The following CNTNAP2 variants were observed in gnomAD, a reference collection of about 807,000 sequenced individuals.
CNTNAP2 encodes the protein contactin-associated protein-like 2.
In CNTNAP2, 98 loss-of-function variants were observed where a neutral mutation model predicts 155.2. The ratio of observed to expected loss-of-function variants is 0.63; its 90% CI spans 0.54 to 0.75. CNTNAP2 has a LOEUF of 0.75. CNTNAP2 is among the 30% of genes least tolerant of loss of function. The pLI is 0.00. For missense variants in CNTNAP2, 1,727 were observed against 1,688.1 expected, an observed-to-expected ratio of 1.02 and a Z score of -0.40; for synonymous variants, 651 against 631.2, an observed-to-expected ratio of 1.03 and a Z score of -0.47.
At chr7:147,036,753 G>A (rs1229957821) in intron 3 of CNTNAP2, among the ~76,000 whole-genome samples, 1 of 152,092 alleles carries the variant, frequency 6.6e-6, no homozygotes, top group African/African-American at 2.4e-5. Flanking sequence ...AAAGAGTATT[G>A]TTCTATGCAA....
At chr7:147,443,711 C>T (rs1797682505) in intron 10 of CNTNAP2, among the ~76,000 whole-genome samples, 1 of 152,126 alleles carries the variant, frequency 6.6e-6, no homozygotes, top group Non-Finnish European at 1.5e-5. Context: ...TCTGTATAGG[C>T]CTTCCAGACA....
intron 2 of CNTNAP2, among the ~76,000 whole-genome samples, chr7:146,815,490 G>T (rs956844047): frequency 6.6e-6 from 1 of 151,976 alleles, no homozygotes; most frequent in African/African-American, 2.4e-5. Context: ...TTTAGAAATT[G>T]TGTGTGTGTC....
intron 15 of CNTNAP2, among the ~76,000 whole-genome samples, chr7:148,047,320 A>C (rs905802280): frequency 2.0e-5 from 3 of 152,148 alleles, no homozygotes; most frequent in Non-Finnish European, 4.4e-5. Context: ...ACATAACGTT[A>C]TTTTATGCAT....
chr7:147,320,299 A>T (rs1795325416), intron 9 of CNTNAP2, among the ~76,000 whole-genome samples: 1 of 152,190 alleles, frequency 6.6e-6, no homozygotes, highest in African/African-American at 2.4e-5. Context: ...GGCTACAACT[A>T]GTTGCAAAGC....
chr7:146,581,909 TGATAA>T (rs1798617107), intron 1 of CNTNAP2, among the ~76,000 whole-genome samples: 2 of 152,102 alleles, frequency 1.3e-5, no homozygotes, highest in Admixed American at 1.3e-4. Flanking sequence ...CAGTGAGAAT[TGATAA>T]GATAAGGATA....
intron 12 of CNTNAP2, among the ~76,000 whole-genome samples, chr7:147,600,271 T>A (rs972856996): frequency 2.0e-5 from 3 of 152,298 alleles, no homozygotes; most frequent in Middle Eastern, 3.4e-3. Flanking sequence ...TTTCTTCCTC[T>A]TTTTGCTTTT....
intron 3 of CNTNAP2, among the ~76,000 whole-genome samples, chr7:146,953,453 A>G (rs942085817): frequency 3.3e-5 from 5 of 152,026 alleles, no homozygotes; most frequent in African/African-American, 2.4e-5. Flanking sequence ...CTCGTTTTAC[A>G]TAAATTATTG....
At chr7:147,241,310 T>G (rs1584813551) in intron 8 of CNTNAP2, among the ~76,000 whole-genome samples, 1 of 152,182 alleles carries the variant, frequency 6.6e-6, no homozygotes, top group Non-Finnish European at 1.5e-5. Flanking sequence ...AGATACAAGC[T>G]CTAATTGTTT....
chr7:146,344,809 T>C (rs1442331339), intron 1 of CNTNAP2, among the ~76,000 whole-genome samples: 4 of 152,184 alleles, frequency 2.6e-5, no homozygotes, highest in East Asian at 3.9e-4. Context: ...ATCTTCAGCC[T>C]GGCAGTTAAA....
At chr7:147,016,883 C>T (rs570962358) in intron 3 of CNTNAP2, among the ~76,000 whole-genome samples, 27 of 151,872 alleles carry the variant, frequency 1.8e-4, no homozygotes, top group Non-Finnish European at 3.4e-4. Context: ...GAAAGACAGG[C>T]CTACTGTGAT....
Position 146,833,880 on chromosome 7 carries a change from C to T in CNTNAP2, c.209-5831C>T, listed in dbSNP as rs931485620. Among the ~76,000 whole-genome samples the T allele has an allele frequency of 2.0e-5, 3 of 152,142 alleles. No homozygotes were observed. The South Asian group carries it at 6.2e-4, about 31-fold the overall frequency. On this transcript the variant is annotated intron_variant, in intron 2 of 23. Coordinates refer to ENST00000361727, the MANE Select transcript of CNTNAP2 (RefSeq NM_014141.6). ...ATTTCTTGTGCATAGAGATGTTTAT[C>T]TTATTTTTTGATCCTGGCTATGTCT...
At position 147,862,377 on chromosome 7, in the gene CNTNAP2, C is replaced by T. The variant is rs571773504; in HGVS notation, c.2099-41188C>T. 9.2e-5 allele frequency among the ~76,000 whole-genome samples: 13 copies of T among 141,644 alleles called. No individual in the cohort carries two copies. In the South Asian group the frequency reaches 2.5e-3, roughly 27 times the overall value. 92.9% of individuals were successfully genotyped at this position (141,644 alleles called of 152,430 possible). ...GGCTTGTGTCGTATCCAAGACCATC[C>T]GAAATCACAGAATAAATTTCCTATA... On this transcript the variant is annotated intron_variant, in intron 13 of 23. Coordinates refer to ENST00000361727, the MANE Select transcript of CNTNAP2 (RefSeq NM_014141.6).
chr7:146,362,933 G>T (rs1162330721), intron 1 of CNTNAP2, among the ~76,000 whole-genome samples: 1 of 151,958 alleles, frequency 6.6e-6, no homozygotes, highest in African/African-American at 2.4e-5. Context: ...ACCACGCCCA[G>T]CTAATTTTTG....
chr7:147,579,335 A>G (rs1340424752), intron 12 of CNTNAP2, among the ~76,000 whole-genome samples: 1 of 152,172 alleles, frequency 6.6e-6, no homozygotes, highest in Non-Finnish European at 1.5e-5. Flanking sequence ...TTACTTAACC[A>G]ATATTTATGA....
At chr7:146,128,748 G>T (rs919454551) in intron 1 of CNTNAP2, among the ~76,000 whole-genome samples, 1 of 152,028 alleles carries the variant, frequency 6.6e-6, no homozygotes, top group Admixed American at 6.6e-5. Flanking sequence ...AGTGCTTATA[G>T]CTAGGTTATA....
chr7:146,550,962 G>C (rs1414385463), intron 1 of CNTNAP2, among the ~76,000 whole-genome samples: 1 of 152,004 alleles, frequency 6.6e-6, no homozygotes, highest in Non-Finnish European at 1.5e-5. Flanking sequence ...GAAAAAATAA[G>C]AATAATACCA....
chr7:147,272,674 T>TA (rs1047450297), intron 8 of CNTNAP2, among the ~76,000 whole-genome samples: 5 of 149,966 alleles, frequency 3.3e-5, no homozygotes, highest in South Asian at 2.1e-4. Flanking sequence ...ATTTTTTTTT[T>TA]TTTTTTGTAT....
At chr7:146,127,775 A>C (rs180900408) in intron 1 of CNTNAP2, among the ~76,000 whole-genome samples, 1 of 152,192 alleles carries the variant, frequency 6.6e-6, no homozygotes, top group African/African-American at 2.4e-5. Context: ...TAAATAGAGT[A>C]CTTAAGATGT....
intron 13 of CNTNAP2, among the ~76,000 whole-genome samples, chr7:147,692,761 G>A (rs1451111643): frequency 6.6e-6 from 1 of 152,014 alleles, no homozygotes; most frequent in Non-Finnish European, 1.5e-5. Flanking sequence ...TCTATCAGAT[G>A]TCTTTTGCGT....
Sources: gnomAD v4.1 joint callset for allele counts (sites outside exome capture counted in the v4.1 genomes callset) on GRCh38, gnomAD v4.1.1 for gene constraint, MANE v1.5 for transcripts, NCBI Gene and HGNC (gene_info 2026-07-23, HGNC 2026-07-21) for gene names.